Variants in ELP4 observed in about 807,000 individuals in gnomAD.
ELP4 encodes elongator complex protein 4.
In ELP4, 51 loss-of-function variants were observed where a neutral mutation model predicts 48.9. That is an observed-to-expected ratio of 1.04 (90% CI 0.83 to 1.32). The LOEUF (loss-of-function observed/expected upper bound fraction) is 1.32, where lower values mean the gene tolerates loss of function less well. Ranked by LOEUF, ELP4 falls within the 40% of genes most tolerant of loss-of-function variation. The probability of loss-of-function intolerance (pLI) is 0.00; values close to 1 mark genes in which losing one functional copy is unlikely to be tolerated. For synonymous variants in ELP4, 210 were observed against 189.2 expected (o/e 1.11, Z -0.90); for missense variants, 519 against 514.6 (o/e 1.01, Z -0.08).
chr11:31,565,041 A>G (rs368966831), intron 3 of ELP4, among the ~76,000 whole-genome samples: 6 of 152,054 alleles, frequency 3.9e-5, no homozygotes, highest in Non-Finnish European at 8.8e-5. Flanking sequence ...AGCACCTGTT[A>G]TTTCCTGACT....
chr11:31,772,120 C>T (rs1400083374), intron 9 of ELP4, among the ~76,000 whole-genome samples: 2 of 132,128 alleles, frequency 1.5e-5, no homozygotes, highest in East Asian at 2.2e-4. Flanking sequence ...TTATTTTCTT[C>T]TTTTTTTTTT....
chr11:31,539,666 G>C lies in ELP4; in HGVS notation c.264G>C (p.Glu88Asp). ...LAVGTVLLIE[E>D]DKYNIYSPLL... ...TGCAACTTTTCCTTTTTACAGAGGA[G>C]GATAAATATAATATTTACTCACCTT... Residue 88 changes from glutamate to aspartate, a missense_variant, in exon 3 of 10, where the codon GAG becomes GAC. Coordinates refer to ENST00000640961, the MANE Select transcript of ELP4 (RefSeq NM_019040.5). 6.2e-7 allele frequency: 1 copy of C among 1,600,494 alleles called. No homozygotes were observed. The highest frequency in any genetic ancestry group is 1.7e-5 in the Admixed American group (1 of 58,190).
intron 9 of ELP4, among the ~76,000 whole-genome samples, chr11:31,724,884 C>G (rs1438808162): frequency 1.3e-5 from 2 of 152,166 alleles, no homozygotes; most frequent in Non-Finnish European, 2.9e-5. Context: ...AAATTTTAAT[C>G]TCAAATATAG....
chr11:31,786,051 C>T lies in ELP4; in HGVS notation c.*2527C>T. ...GACTACTGCAGTTTGCTCAGGTGCT[C>T]GGGTTCTAAGACTTTTTGAATTTCC... On this transcript the variant is annotated 3_prime_UTR_variant, in exon 10 of 10. Transcript: ENST00000640961. 4.9e-6 allele frequency: 1 copy of T among 204,296 alleles called. No individual in the cohort carries two copies. Among genetic ancestry groups the T allele is most frequent in the African/African-American group, 2.3e-5 (1 of 43,912 alleles). 12.7% of individuals were successfully genotyped at this position (204,296 alleles called of 1,614,324 possible).
At chr11:31,618,115 A>G (rs969375406) in intron 5 of ELP4, among the ~76,000 whole-genome samples, 2 of 152,098 alleles carry the variant, frequency 1.3e-5, no homozygotes, top group Middle Eastern at 3.2e-3. Context: ...AAAAAATGTT[A>G]TATCCATACA....
intron 2 of ELP4, among the ~76,000 whole-genome samples, chr11:31,520,322 A>G (rs1278050405): frequency 6.6e-6 from 1 of 152,198 alleles, no homozygotes; most frequent in African/African-American, 2.4e-5. Context: ...AAAAATGTTC[A>G]TAGTTCATTG....
chr11:31,652,872 A>G (rs1945351536), intron 9 of ELP4: 1 of 151,730 alleles, frequency 6.6e-6, no homozygotes, highest in Non-Finnish European at 1.5e-5. Flanking sequence ...GTTGGAAACA[A>G]GGGGCAAAAG....
chr11:31,690,745 A>G (rs1256055026), intron 9 of ELP4, among the ~76,000 whole-genome samples: 1 of 150,886 alleles, frequency 6.6e-6, no homozygotes, highest in Non-Finnish European at 1.5e-5. Flanking sequence ...ATTACTAGTA[A>G]TAGTTAAGGT....
chr11:31,623,537 T>C (rs2134031578), intron 5 of ELP4, among the ~76,000 whole-genome samples: 1 of 150,046 alleles, frequency 6.7e-6, no homozygotes, highest in African/African-American at 2.4e-5. Flanking sequence ...TACCTAAATG[T>C]ATTGATTTAT....
chr11:31,680,944 T>C (rs1946039299), intron 9 of ELP4, among the ~76,000 whole-genome samples: 1 of 152,182 alleles, frequency 6.6e-6, no homozygotes, highest in Non-Finnish European at 1.5e-5. Flanking sequence ...AAATTAAATA[T>C]TTTTGAGGTA....
chr11:31,533,863 T>A (rs1956450344), intron 2 of ELP4, among the ~76,000 whole-genome samples: 1 of 151,784 alleles, frequency 6.6e-6, no homozygotes, highest in Non-Finnish European at 1.5e-5. Context: ...TGAGACGGAG[T>A]CTCACTCTGT....
At chr11:31,701,511 G>T (rs1421472844) in intron 9 of ELP4, among the ~76,000 whole-genome samples, 1 of 151,360 alleles carries the variant, frequency 6.6e-6, no homozygotes, top group African/African-American at 2.4e-5. Context: ...ATTTATCTTG[G>T]GGCACAGATA....
At chr11:31,567,257 A>G (rs1010403123) in intron 3 of ELP4, among the ~76,000 whole-genome samples, 1 of 152,122 alleles carries the variant, frequency 6.6e-6, no homozygotes, top group Non-Finnish European at 1.5e-5. Flanking sequence ...AAGGTGATGC[A>G]ATATTGTACC....
At chr11:31,674,463 C>T (rs1040888715) in intron 9 of ELP4, among the ~76,000 whole-genome samples, 2 of 152,142 alleles carry the variant, frequency 1.3e-5, no homozygotes, top group Admixed American at 6.5e-5. Context: ...TCAGTTGACA[C>T]ATTTTGTTAA....
chr11:31,725,506 G>A (rs1463660550), intron 9 of ELP4, among the ~76,000 whole-genome samples: 1 of 152,160 alleles, frequency 6.6e-6, no homozygotes, highest in Non-Finnish European at 1.5e-5. Flanking sequence ...ACAGGAACAG[G>A]GACAGATAAG....
chr11:31,663,328 T>C (rs1554968502), intron 9 of ELP4: 2 of 151,996 alleles, frequency 1.3e-5, no homozygotes, highest in Non-Finnish European at 2.9e-5. Context: ...TTCATACAAT[T>C]TAAATATTAA....
chr11:31,750,747 G>A (rs1307709857), intron 9 of ELP4, among the ~76,000 whole-genome samples: 2 of 152,120 alleles, frequency 1.3e-5, no homozygotes, highest in Non-Finnish European at 2.9e-5. Flanking sequence ...TCCTGATAGT[G>A]TGTTTCTTAC....
intron 9 of ELP4, among the ~76,000 whole-genome samples, chr11:31,731,047 CTTGAAAGACT>C (rs1211584559): frequency 1.3e-5 from 2 of 151,828 alleles, no homozygotes; most frequent in Non-Finnish European, 2.9e-5. Flanking sequence ...AGAGAAAAAG[CTTGAAAGACT>C]CCCAGAACCT....
At chr11:31,732,675 T>G (rs1047737685) in intron 9 of ELP4, among the ~76,000 whole-genome samples, 5 of 152,128 alleles carry the variant, frequency 3.3e-5, no homozygotes, top group Non-Finnish European at 7.4e-5. Flanking sequence ...GAGATTCACT[T>G]AGATATAAGG....
Sources: allele counts gnomAD v4.1 joint callset (sites outside exome capture counted in the v4.1 genomes callset), GRCh38; gene constraint gnomAD v4.1.1; transcripts MANE v1.5; gene names NCBI Gene and HGNC (gene_info 2026-07-23, HGNC 2026-07-21).